Variants in SLC16A2 observed in about 807,000 individuals in gnomAD.
SLC16A2 encodes solute carrier family 16 member 2.
Under a neutral mutation model 27.2 loss-of-function variants are expected in SLC16A2, and 3 were observed. The observed-to-expected ratio is 0.11, with a 90% CI of 0.05 to 0.28. The LOEUF is 0.28. Ranked by LOEUF, SLC16A2 falls within the 10% of genes least tolerant of loss-of-function variation. The pLI is 1.00. For synonymous variants in SLC16A2, 202 were observed against 187.8 expected (o/e 1.08, Z -0.62); for missense variants, 295 against 458.5 (o/e 0.64, Z 3.26).
At chrX:74,501,592 C>A (rs914837026) in intron 1 of SLC16A2, among the ~76,000 whole-genome samples, 1 of 110,989 alleles carries the variant, frequency 9.0e-6, no homozygotes, top group African/African-American at 3.3e-5. Flanking sequence ...TCTGGTGGGC[C>A]CCCCCTCTGC....
chrX:74,507,934 T>G (rs897248245), intron 1 of SLC16A2, among the ~76,000 whole-genome samples: 9 of 112,316 alleles, frequency 8.0e-5, no homozygotes, highest in African/African-American at 2.3e-4. Flanking sequence ...TTGGCCGTTG[T>G]GAATAGTACT....
chrX:74,428,492 G>A (rs1011688474), intron 1 of SLC16A2, among the ~76,000 whole-genome samples: 1 of 111,210 alleles, frequency 9.0e-6, no homozygotes, highest in Non-Finnish European at 1.9e-5. Context: ...TTTTTTCCCA[G>A]TATTGTTCCC....
At chrX:74,461,524 G>C (rs1160181593) in intron 1 of SLC16A2, among the ~76,000 whole-genome samples, 1 of 110,532 alleles carries the variant, frequency 9.0e-6, no homozygotes, top group Non-Finnish European at 1.9e-5. Context: ...GGGAGAGAGA[G>C]GGTGAAAGAA....
intron 1 of SLC16A2, among the ~76,000 whole-genome samples, chrX:74,444,206 C>T (rs1928801415): frequency 8.9e-6 from 1 of 111,748 alleles, no homozygotes; most frequent in Admixed American, 9.5e-5. Flanking sequence ...CATTCTTCAT[C>T]TTCTCTTATC....
intron 1 of SLC16A2, among the ~76,000 whole-genome samples, chrX:74,507,982 C>T (rs1321239999): frequency 1.8e-5 from 2 of 111,974 alleles, no homozygotes; most frequent in Non-Finnish European, 3.8e-5. Flanking sequence ...CTTTGACATA[C>T]TGATTTTCTT....
intron 1 of SLC16A2, among the ~76,000 whole-genome samples, chrX:74,443,122 G>T (rs980726715): frequency 2.4e-4 from 27 of 111,542 alleles, no homozygotes; most frequent in Non-Finnish European, 4.3e-4. Context: ...TCTCACTTAG[G>T]CCTCAAAATA....
chrX:74,450,457 C>A (rs1007536318), intron 1 of SLC16A2, among the ~76,000 whole-genome samples: 1 of 111,273 alleles, frequency 9.0e-6, no homozygotes, highest in Non-Finnish European at 1.9e-5. Flanking sequence ...AGGGGTCTTC[C>A]ATTTCTGGGA....
intron 1 of SLC16A2, among the ~76,000 whole-genome samples, chrX:74,455,132 A>G (rs1453702512): frequency 8.9e-6 from 1 of 111,917 alleles, no homozygotes; most frequent in African/African-American, 3.3e-5. Flanking sequence ...CAAAATCAGG[A>G]TAACATAGTA....
chrX:74,462,136 G>A (rs979136416), intron 1 of SLC16A2, among the ~76,000 whole-genome samples: 1 of 112,028 alleles, frequency 8.9e-6, no homozygotes, highest in African/African-American at 3.2e-5. Flanking sequence ...GATGCCCCTC[G>A]GAGTTTGGGT....
chrX:74,491,990 C>G (rs1214032429), intron 1 of SLC16A2, among the ~76,000 whole-genome samples: 2 of 112,469 alleles, frequency 1.8e-5, no homozygotes, highest in African/African-American at 6.5e-5. Context: ...TGCCCTGGGA[C>G]AGGATGTCCC....
At chrX:74,494,848 G>A (rs1929905392) in intron 1 of SLC16A2, among the ~76,000 whole-genome samples, 1 of 111,403 alleles carries the variant, frequency 9.0e-6, no homozygotes, top group South Asian at 3.8e-4. Flanking sequence ...ACTCCTGTAT[G>A]TGCTATAATG....
At chrX:74,422,140 C>A in intron 1 of SLC16A2, 73 bp downstream of exon 1, 1 of 1,048,550 alleles carries the variant, frequency 9.5e-7, no homozygotes, top group African/African-American at 1.8e-5. Flanking sequence ...GACCCCATAC[C>A]TCCCGGTCCG....
At chrX:74,530,830 A>G (rs761940252) in intron 5 of SLC16A2, among the ~76,000 whole-genome samples, 230 of 112,165 alleles carry the variant, frequency 2.1e-3, no homozygotes, top group African/African-American at 7.0e-3. Context: ...AGAAACCCAG[A>G]GGGGACAACC....
intron 1 of SLC16A2, among the ~76,000 whole-genome samples, chrX:74,424,577 T>C: frequency 8.9e-6 from 1 of 112,160 alleles, no homozygotes; most frequent in Non-Finnish European, 1.9e-5. Flanking sequence ...GTTTGTGTCA[T>C]TTTTATCAGC....
chrX:74,432,331 G>T (rs1042180575), intron 1 of SLC16A2, among the ~76,000 whole-genome samples: 1 of 111,582 alleles, frequency 9.0e-6, no homozygotes, highest in Non-Finnish European at 1.9e-5. Context: ...GAGTGGGCCA[G>T]TTTCCTTGTG....
intron 1 of SLC16A2, chrX:74,472,924 C>A: frequency 2.6e-6 from 1 of 381,040 alleles, no homozygotes; most frequent in Non-Finnish European, 4.8e-6. Flanking sequence ...CCTGCCACCA[C>A]TGTGCTTTGC....
At chrX:74,525,206 A>C (rs1930470763) in intron 3 of SLC16A2, among the ~76,000 whole-genome samples, 1 of 111,829 alleles carries the variant, frequency 8.9e-6, no homozygotes, top group African/African-American at 3.3e-5. Context: ...TAGCTTTATA[A>C]TGTGTAGTAA....
At chrX:74,521,673 G>A in intron 2 of SLC16A2, among the ~76,000 whole-genome samples, 1 of 112,291 alleles carries the variant, frequency 8.9e-6, no homozygotes, top group Non-Finnish European at 1.9e-5. Context: ...GAGGTCAACT[G>A]AGCCCAAGGA....
chrX:74,452,442 A>G (rs1220631130), intron 1 of SLC16A2, among the ~76,000 whole-genome samples: 1 of 111,669 alleles, frequency 9.0e-6, no homozygotes, highest in African/African-American at 3.3e-5. Flanking sequence ...ATGTTTTCCA[A>G]AATGTCCATT....
Sources: allele counts gnomAD v4.1 joint callset (sites outside exome capture counted in the v4.1 genomes callset), GRCh38; gene constraint gnomAD v4.1.1; transcripts MANE v1.5; gene names NCBI Gene and HGNC (gene_info 2026-07-23, HGNC 2026-07-21).